CABLES2: variants seen among roughly 807,000 people sequenced by gnomAD.
The protein encoded by CABLES2 is Cdk5 and Abl enzyme substrate 2, also known as CDK5 and ABL1 enzyme substrate 2.
In CABLES2, 35 loss-of-function variants were observed where a neutral mutation model predicts 44.8. The observed-to-expected ratio is 0.78, with a 90% CI of 0.60 to 1.04. The LOEUF (loss-of-function observed/expected upper bound fraction) is 1.04, where lower values mean the gene tolerates loss of function less well. Among genes scored for constraint, CABLES2 ranks in the 50% least tolerant of loss-of-function variants. The pLI is 0.00. For synonymous variants in CABLES2, 282 were observed against 281.1 expected, an observed-to-expected ratio of 1.00 and a Z score of -0.03; for missense variants, 566 against 615.7, an observed-to-expected ratio of 0.92 and a Z score of 0.85.
At position 62,407,152 on chromosome 20, in the gene CABLES2, G is replaced by T; in HGVS notation, c.125C>A (p.Ser42Ter). ...GAAAAGCGCGGCCTGGCGGCGCCGCGAGTCCCCGCGCCTCCGCAGCGCCTG... is the reference window on the plus strand; with the variant it reads ...GAAAAGCGCGGCCTGGCGGCGCCGCTAGTCCCCGCGCCTCCGCAGCGCCTG... The part of the protein sequence containing the change: ...PPQALRRRGD[S>*]RRRQAALFFL... The change falls in exon 1 of 10, where the codon TCG (serine) becomes TAG (stop). Residue 42 changes from serine (S) to a stop codon, truncating the protein, a stop_gained. Coordinates refer to ENST00000279101, the MANE Select transcript of CABLES2 (RefSeq NM_031215.3). LOFTEE classifies it high-confidence loss of function. 9.9e-7 allele frequency: 1 copy of T among 1,012,836 alleles called. No homozygotes were observed. The highest frequency in any genetic ancestry group is 4.3e-5 in the South Asian group (1 of 23,030). 62.7% of individuals were successfully genotyped at this position (1,012,836 alleles called of 1,614,324 possible).
chr20:62,392,858 A>G, intron 7 of CABLES2, 62 bp downstream of exon 7: 1 of 1,467,912 alleles, frequency 6.8e-7, no homozygotes, highest in Non-Finnish European at 9.5e-7. Context: ...CCTGCCCCAC[A>G]CGCCCCGAGC....
chr20:62,398,011 TGGC>T (rs1408954013), intron 1 of CABLES2, among the ~76,000 whole-genome samples: 7 of 132,956 alleles, frequency 5.3e-5, no homozygotes, highest in Admixed American at 7.2e-5. Context: ...GTGATGGTTA[TGGC>T]GGTGGTGGTG....
At position 62,407,229 on chromosome 20, in the gene CABLES2, G is replaced by C; in HGVS notation, c.48C>G (p.Pro16=). ...GCGCGGCGGGTGGCGGGGGCCCGGCGGGGCCGGGGGCCGGGCCCGGGGCTC... is the reference window on the plus strand; with the variant it reads ...GCGCGGCGGGTGGCGGGGGCCCGGCCGGGCCGGGGGCCGGGCCCGGGGCTC... ...AGGAPGPAPG[P]AGPPPPAAPT... Residue 16 remains proline, a synonymous_variant, in exon 1 of 10, where the codon CCC becomes CCG. Transcript: ENST00000279101. The C allele has an allele frequency of 2.3e-6, 2 of 852,770 alleles. No homozygotes were observed. The highest frequency in any genetic ancestry group is 2.8e-6 in the Non-Finnish European group (2 of 712,390). 52.8% of individuals were successfully genotyped at this position (852,770 alleles called of 1,614,324 possible).
intron 1 of CABLES2, chr20:62,402,308 G>A (rs1261728042): frequency 6.6e-6 from 1 of 152,220 alleles, no homozygotes; most frequent in Non-Finnish European, 1.5e-5. Context: ...CGGAAGAAAT[G>A]CCCAGAAGGG....
rs1569017848 is a variant in CABLES2 at position 62,398,196 on chromosome 20, A to ATGGTGATGG, written c.363-1605_363-1604insCCATCACCA. On this transcript the variant is annotated intron_variant, in intron 1 of 9. Coordinates refer to ENST00000279101, the MANE Select transcript of CABLES2 (RefSeq NM_031215.3). Reference sequence around the variant, plus strand: ...AATGGTGGTGGTGGTGATGGTGATGATGGTGGTGATGGTGATGTGATGGTG... The same window carrying ATGGTGATGG: ...AATGGTGGTGGTGGTGATGGTGATGATGGTGATGGTGGTGGTGATGGTGATGTGATGGTG... 7.2e-3 allele frequency among the ~76,000 whole-genome samples: 491 copies of ATGGTGATGG among 68,354 alleles called. 18 individuals carry two copies. The highest frequency in any genetic ancestry group is 0.028 in the African/African-American group (457 of 16,398). The allele number at this position is 68,354 out of a possible 152,430, so 44.8% of individuals were successfully genotyped here.
Position 62,392,866 on chromosome 20 carries a change from A to G in CABLES2, c.984+54T>C, listed in dbSNP as rs1164591835. The G allele has an allele frequency of 4.6e-6, 7 of 1,518,858 alleles. No homozygotes were observed. In the African/African-American group the frequency reaches 6.8e-5, roughly 15 times the overall value. The allele number at this position is 1,518,858 out of a possible 1,614,324, so 94.1% of individuals were successfully genotyped here. The stretch of plus-strand genomic sequence containing the variant: ...CCCACAGCCTGCCCCACACGCCCCG[A>G]GCCAGGACAGGTGTGCAGCTGCCTG... On this transcript the variant is annotated intron_variant, in intron 7 of 9. Coordinates refer to ENST00000279101, the MANE Select transcript of CABLES2 (RefSeq NM_031215.3).
chr20:62,389,075 T>C lies in CABLES2; in HGVS notation c.*1896A>G, dbSNP rs1167868473. 1 of 154,206 alleles carries C rather than the reference T, an allele frequency of 6.5e-6. No homozygotes were observed. Among genetic ancestry groups the C allele is most frequent in the African/African-American group, 2.4e-5 (1 of 41,460 alleles). The allele number at this position is 154,206 out of a possible 1,614,324, so 9.6% of individuals were successfully genotyped here. A position where few individuals can be genotyped will look rare whatever the true frequency, so the allele number is the denominator to read the frequency against. ...TCGCATTCATGTGTAGGAAAAACCA[T>C]GGAGACGTGTCCCTGGAGGGCAGGT... On this transcript the variant is annotated 3_prime_UTR_variant, in exon 10 of 10. Transcript: ENST00000279101.
chr20:62,401,388 T>C (rs1185267892), intron 1 of CABLES2, among the ~76,000 whole-genome samples: 1 of 152,188 alleles, frequency 6.6e-6, no homozygotes, highest in African/African-American at 2.4e-5. Context: ...ACTCCACGCA[T>C]CACCGCAGCA....
At chr20:62,392,211 G>A (rs1314222274) in intron 8 of CABLES2, among the ~76,000 whole-genome samples, 178 bp downstream of exon 8, 1 of 150,936 alleles carries the variant, frequency 6.6e-6, no homozygotes, top group African/African-American at 2.4e-5. Context: ...GGGGGGCCTG[G>A]CTTGGCGGGC....
chr20:62,401,618 C>T (rs1235449893), intron 1 of CABLES2, among the ~76,000 whole-genome samples: 3 of 152,238 alleles, frequency 2.0e-5, no homozygotes, highest in Admixed American at 6.5e-5. Flanking sequence ...GCACACACGC[C>T]GGTCAGCAGG....
rs1300676886 is a variant in CABLES2, at chr20:62,407,110, G to A, written c.167C>T (p.Ser56Phe). Residue 56 changes from serine to phenylalanine, a missense_variant, in exon 1 of 10, where the codon TCC (serine) becomes TTC (phenylalanine). Ser to Phe is a radical substitution (Grantham distance 155). This residue lies in a region of CABLES2 where 130 missense variants were observed against 79.4 expected (regional missense o/e 1.64). Coordinates refer to ENST00000279101, the MANE Select transcript of CABLES2 (RefSeq NM_031215.3). ...QAALFFLNNI[S>F]LDGRPPSLGP... is the part of the protein sequence containing the mutation. ...CAGGCTCGGGGGCCGCCCGTCCAGG[G>A]AGATGTTGTTGAGGAAGAAAAGCGC... 1.9e-6 allele frequency: 2 copies of A among 1,041,502 alleles called. No individual in the cohort carries two copies. The highest frequency in any genetic ancestry group is 2.3e-6 in the Non-Finnish European group (2 of 865,200). 64.5% of individuals were successfully genotyped at this position (1,041,502 alleles called of 1,614,324 possible). A position where few individuals can be genotyped will look rare whatever the true frequency, so the allele number is the denominator to read the frequency against.
At chr20:62,398,009 T>TATGGCGGTGGTG (rs1229411728) in intron 1 of CABLES2, among the ~76,000 whole-genome samples, 8 of 84,024 alleles carry the variant, frequency 9.5e-5, no homozygotes, top group Non-Finnish European at 1.9e-4. Context: ...TGGTGATGGT[T>TATGGCGGTGGTG]ATGGCGGTGG....
rs1987854097 is a variant in CABLES2 at position 62,388,945 on chromosome 20, TAACTG to T, written c.*2021_*2025del. On this transcript the variant is annotated 3_prime_UTR_variant, in exon 10 of 10. Transcript: ENST00000279101. ...CTTTTGGCATCATAAAAATGGGACA[TAACTG>T]AAGGGAAGGCTTCACACATCACAAA... 1.1e-5 allele frequency: 2 copies of T among 174,330 alleles called. No individual in the cohort carries two copies. Among genetic ancestry groups the T allele is most frequent in the African/African-American group, 2.4e-5 (1 of 41,798 alleles). 10.8% of individuals were successfully genotyped at this position (174,330 alleles called of 1,614,324 possible). A position where few individuals can be genotyped will look rare whatever the true frequency, so the allele number is the denominator to read the frequency against.
chr20:62,397,905 A>ATGGTGGTGACGGTAGTGG (rs1569017018), intron 1 of CABLES2, among the ~76,000 whole-genome samples: 2 of 103,660 alleles, frequency 1.9e-5, no homozygotes, highest in Non-Finnish European at 4.5e-5. Flanking sequence ...GGTGGTGGTG[A>ATGGTGGTGACGGTAGTGG]TGGTGATGGC....
intron 1 of CABLES2, among the ~76,000 whole-genome samples, chr20:62,397,984 C>CGGT (rs1255678041): frequency 2.3e-5 from 1 of 43,796 alleles, no homozygotes; most frequent in Non-Finnish European, 4.5e-5. Context: ...GTGGTGATGG[C>CGGT]GGTGGTGGTG....
chr20:62,398,168 G>GAT (rs1988101923), intron 1 of CABLES2, among the ~76,000 whole-genome samples: 1 of 134,390 alleles, frequency 7.4e-6, no homozygotes, highest in African/African-American at 2.8e-5. Context: ...CGGTGATGGT[G>GAT]GTAATGGTGG....
In CABLES2 at chr20:62,393,543, G is replaced by A. The variant is rs769527200; in HGVS notation, c.777C>T (p.Ser259=). ...TNALVTHKSD[S]HGLLPTPRPS... is the part of the protein sequence containing the mutation. ...GCCGAGGTGTGGGCAGCAGGCCATG[G>A]CTGTCACTCTTGTGTGTGACCAGGG... The change falls in exon 6 of 10, where the codon AGC becomes AGT. Residue 259 remains serine (S), a synonymous_variant. Coordinates refer to ENST00000279101, the MANE Select transcript of CABLES2 (RefSeq NM_031215.3). The A allele has an allele frequency of 4.3e-6, 7 of 1,613,062 alleles. No individual in the cohort carries two copies. Among genetic ancestry groups the A allele is most frequent in the Middle Eastern group, 1.7e-4 (1 of 6,056 alleles).
Position 62,390,614 on chromosome 20 carries a change from G to T in CABLES2, c.*357C>A. ...GGTGGTTTGCAGAAGGCGAGGCCAG[G>T]GGAGACACACTGCAGCCGGCTCGCT... is the stretch of plus-strand genomic sequence containing the variant. On this transcript the variant is annotated 3_prime_UTR_variant, in exon 10 of 10. Transcript: ENST00000279101. 3.7e-6 allele frequency: 1 copy of T among 273,414 alleles called. No homozygotes were observed. Among genetic ancestry groups the T allele is most frequent in the Admixed American group, 4.7e-5 (1 of 21,450 alleles). 16.9% of individuals were successfully genotyped at this position (273,414 alleles called of 1,614,324 possible).
In CABLES2 at chr20:62,392,833, C is replaced by A. The variant is rs559337063; in HGVS notation, c.984+87G>T. ...ATGGGGGCACGTCACGCCCCTGGGG[C>A]AGCTTTGCCCACAGCCTGCCCCACA... On this transcript the variant is annotated intron_variant, in intron 7 of 9. Transcript: ENST00000279101. 7 of 1,200,346 alleles carry A rather than the reference C, an allele frequency of 5.8e-6. No homozygotes were observed. The African/African-American group carries it at 8.9e-5, about 15-fold the overall frequency. The allele number at this position is 1,200,346 out of a possible 1,614,324, so 74.4% of individuals were successfully genotyped here.
Sources: allele counts gnomAD v4.1 joint callset (sites outside exome capture counted in the v4.1 genomes callset), GRCh38; gene constraint gnomAD v4.1.1; regional missense constraint gnomAD v4.1.1; transcripts MANE v1.5; gene names NCBI Gene and HGNC (gene_info 2026-07-23, HGNC 2026-07-21).